The following GC variants were observed in gnomAD, a reference collection of about 807,000 sequenced individuals.
GC encodes the protein vitamin D-binding protein.
A neutral mutation model predicts 56.7 loss-of-function variants in GC; 43 were observed. The observed-to-expected ratio is 0.76, with a 90% confidence interval of 0.59 to 0.98. The LOEUF (loss-of-function observed/expected upper bound fraction) is 0.98, where lower values mean the gene tolerates loss of function less well. GC is among the 50% of genes least tolerant of loss of function. The probability of loss-of-function intolerance (pLI) is 0.00; values close to 1 mark genes in which losing one functional copy is unlikely to be tolerated. For synonymous variants in GC, 216 were observed against 202.7 expected (o/e 1.07, Z -0.56); for missense variants, 529 against 545.9 (o/e 0.97, Z 0.31).
intron 6 of GC, among the ~76,000 whole-genome samples, chr4:71,759,783 C>T (rs983675577): frequency 1.9e-4 from 29 of 152,142 alleles, no homozygotes; most frequent in South Asian, 2.1e-4. Flanking sequence ...TTATATATTC[C>T]GAATATTAAA....
At chr4:71,751,949 AT>A (rs200154515) in intron 11 of GC, among the ~76,000 whole-genome samples, 1,645 of 152,106 alleles carry the variant, frequency 0.011, 8 homozygotes, top group Non-Finnish European at 0.018. Context: ...CTTCAGTTGC[AT>A]TTTTTTCTTA....
At chr4:71,774,315 A>G (rs568535268) in intron 1 of GC, among the ~76,000 whole-genome samples, 11 of 152,180 alleles carry the variant, frequency 7.2e-5, no homozygotes, top group African/African-American at 2.4e-4. Context: ...TGCAACTGCA[A>G]TAGGAGACAG....
At chr4:71,764,785 G>C (rs1742105288) in intron 4 of GC, among the ~76,000 whole-genome samples, 1 of 152,088 alleles carries the variant, frequency 6.6e-6, no homozygotes, top group African/African-American at 2.4e-5. Flanking sequence ...CACTTTGAAT[G>C]ACATTGCTCC....
At chr4:71,778,915 ATTATTATTG>A (rs923971043) in intron 1 of GC, among the ~76,000 whole-genome samples, 5 of 147,786 alleles carry the variant, frequency 3.4e-5, no homozygotes, top group African/African-American at 1.0e-4. Flanking sequence ...TATTATTATT[ATTATTATTG>A]GCTAAATCCA....
At chr4:71,777,247 A>G (rs1344614300) in intron 1 of GC, among the ~76,000 whole-genome samples, 2 of 151,812 alleles carry the variant, frequency 1.3e-5, no homozygotes, top group South Asian at 2.1e-4. Context: ...TTATTGGACA[A>G]TTGTAAGAAC....
intron 1 of GC, among the ~76,000 whole-genome samples, chr4:71,798,083 A>G (rs1380944935): frequency 1.3e-5 from 2 of 152,090 alleles, no homozygotes; most frequent in African/African-American, 4.8e-5. Context: ...CATTAATCTC[A>G]AGTTCATTGC....
intron 1 of GC, among the ~76,000 whole-genome samples, chr4:71,775,225 T>C (rs1026899701): frequency 4.6e-5 from 7 of 151,928 alleles, no homozygotes; most frequent in Non-Finnish European, 8.8e-5. Flanking sequence ...AGCAAAATTG[T>C]CTTTATTTTC....
At position 71,768,374 on chromosome 4, in the gene GC, A is replaced by G. The variant is rs757323295; in HGVS notation, c.188T>C (p.Leu63Pro). ...PSGTFEQVSQLVKEVVSLTEA... is the reference protein window; with the variant it reads ...PSGTFEQVSQPVKEVVSLTEA... ...GGTCAAGGAGACAACTTCCTTCACA[A>G]GTTGGCTGACCTGTTCAAACGTGCC... Residue 63 changes from leucine (L) to proline (P), a missense_variant, in exon 3 of 13, where the codon CTT becomes CCT. Physicochemically the swap from Leu to Pro is moderately conservative, Grantham distance 98 (BLOSUM62 -3). Coordinates refer to ENST00000273951, the MANE Select transcript of GC (RefSeq NM_000583.4). 1 of 1,613,698 alleles carries G rather than the reference A, an allele frequency of 6.2e-7. No individual in the cohort carries two copies.
At chr4:71,769,635 T>C (rs965367602) in intron 1 of GC, 4 of 444,620 alleles carry the variant, frequency 9.0e-6, no homozygotes, top group Admixed American at 6.8e-5. Flanking sequence ...GAGAGTAAAC[T>C]AATACTGAAC....
intron 6 of GC, among the ~76,000 whole-genome samples, chr4:71,758,862 A>G (rs140214387): frequency 1.8e-3 from 276 of 152,228 alleles, no homozygotes; most frequent in African/African-American, 6.3e-3. Context: ...TTTGCAACAG[A>G]TCTCTAGAAA....
chr4:71,763,553 C>T (rs748628710), intron 5 of GC, 51 bp from the exon 6 acceptor site: 19 of 1,119,254 alleles, frequency 1.7e-5, no homozygotes, highest in Non-Finnish European at 1.9e-5. Flanking sequence ...TCATTGAATA[C>T]TGTATAAATG....
At chr4:71,783,349 T>C (rs1240847848) in intron 1 of GC, among the ~76,000 whole-genome samples, 1 of 151,750 alleles carries the variant, frequency 6.6e-6, no homozygotes, top group Non-Finnish European at 1.5e-5. Flanking sequence ...TTTTAAACAT[T>C]GCCCAAAGAT....
chr4:71,767,503 G>A (rs192265881), intron 3 of GC, among the ~76,000 whole-genome samples: 105 of 151,904 alleles, frequency 6.9e-4, no homozygotes, highest in African/African-American at 2.5e-3. Flanking sequence ...TTATTCTGGA[G>A]CACTTGGTAC....
chr4:71,795,380 T>G (rs2149309957), intron 1 of GC, among the ~76,000 whole-genome samples: 1 of 152,340 alleles, frequency 6.6e-6, no homozygotes, highest in Middle Eastern at 3.4e-3. Flanking sequence ...AGTTAGCTCT[T>G]CTTATTGAGT....
chr4:71,762,656 A>T (rs1438891670), intron 6 of GC, among the ~76,000 whole-genome samples: 1 of 152,142 alleles, frequency 6.6e-6, no homozygotes, highest in Non-Finnish European at 1.5e-5. Flanking sequence ...AGGTGATTAA[A>T]TTATTGGGGT....
At chr4:71,790,311 T>C (rs1336349600) in intron 1 of GC, among the ~76,000 whole-genome samples, 2 of 152,028 alleles carry the variant, frequency 1.3e-5, no homozygotes, top group African/African-American at 2.4e-5. Context: ...AATATAGCCA[T>C]GACAACTTTC....
intron 11 of GC, among the ~76,000 whole-genome samples, chr4:71,746,806 T>G (rs1375460215): frequency 6.9e-6 from 1 of 144,102 alleles, no homozygotes; most frequent in Non-Finnish European, 1.5e-5. Context: ...CTACTTTAAT[T>G]TGGAGGCAAT....
At chr4:71,777,413 C>T (rs957285739) in intron 1 of GC, among the ~76,000 whole-genome samples, 5 of 151,246 alleles carry the variant, frequency 3.3e-5, no homozygotes, top group Non-Finnish European at 7.4e-5. Flanking sequence ...ATGAGCTTTG[C>T]AGTATCATGT....
intron 1 of GC, among the ~76,000 whole-genome samples, chr4:71,792,898 C>A (rs1743006929): frequency 6.6e-6 from 1 of 152,178 alleles, no homozygotes; most frequent in African/African-American, 2.4e-5. Context: ...GTTTTCCCAG[C>A]ACCATTTATT....
Sources: gnomAD v4.1 joint callset for allele counts (sites outside exome capture counted in the v4.1 genomes callset) on GRCh38, gnomAD v4.1.1 for gene constraint, MANE v1.5 for transcripts, NCBI Gene and HGNC (gene_info 2026-07-23, HGNC 2026-07-21) for gene names.